The following PDZD7 variants were observed in gnomAD, a reference collection of about 807,000 sequenced individuals.
The protein encoded by PDZD7 is PDZ domain-containing protein 7.
A neutral mutation model predicts 84.7 loss-of-function variants in PDZD7; 72 were observed. The observed-to-expected ratio is 0.85, with a 90% confidence interval of 0.70 to 1.03. The LOEUF is 1.03. PDZD7 is among the 50% of genes least tolerant of loss of function. The pLI, the probability that PDZD7 is intolerant of heterozygous loss-of-function variation, is 0.00. For missense variants in PDZD7, 1,490 were observed against 1,412.9 expected (o/e 1.05, Z -0.87); for synonymous variants, 594 against 580.7 (o/e 1.02, Z -0.33).
Position 101,019,123 on chromosome 10 carries a change from G to T in PDZD7, c.1023C>A (p.Ser341=). The T allele has an allele frequency of 6.5e-7, 1 of 1,549,188 alleles. No individual in the cohort carries two copies. The highest frequency in any genetic ancestry group is 8.7e-7 in the Non-Finnish European group (1 of 1,153,798). Reference sequence around the variant, plus strand: ...AGATGTCCATGCGGTCCGACGGCAGGGAGCCCGAGCTGTAGGGGGCGCTGG... The same window carrying T: ...AGATGTCCATGCGGTCCGACGGCAGTGAGCCCGAGCTGTAGGGGGCGCTGG... ...CASSAPYSSG[S]LPSDRMDICL... The change falls in exon 8 of 17, where the codon TCC becomes TCA. Residue 341 remains serine (S), a synonymous_variant. Transcript: ENST00000619208.
chr10:101,018,226 C>T lies in PDZD7; in HGVS notation c.1395G>A (p.Lys465=). 6.2e-7 allele frequency: 1 copy of T among 1,614,216 alleles called. No homozygotes were observed. Among genetic ancestry groups the T allele is most frequent in the Middle Eastern group, 1.7e-4 (1 of 6,042 alleles). Residue 465 remains lysine, a synonymous_variant, in exon 9 of 17, where the codon AAG becomes AAA. Transcript: ENST00000619208. ...PGEKGALQRS[K]TLMNLFFKGG... is the part of the protein sequence containing the mutation. ...CCTTGAAGAAGAGGTTCATCAGCGT[C>T]TTGGAGCGCTGCAGGGCACCCTTCT...
intron 15 of PDZD7, among the ~76,000 whole-genome samples, chr10:101,009,604 T>TTC (rs1363005533): frequency 7.4e-6 from 1 of 135,096 alleles, no homozygotes; most frequent in Non-Finnish European, 1.6e-5. Flanking sequence ...AGAGTCTTTT[T>TTC]TTTTTTTTTT....
Position 101,008,369 on chromosome 10 carries a change from TG to T in PDZD7, c.*97del. On this transcript the variant is annotated 3_prime_UTR_variant, in exon 17 of 17. Transcript: ENST00000619208. The stretch of plus-strand genomic sequence containing the variant: ...AGTGTGGCACTGGGAGGAGGCAGGG[TG>T]GGCAGGAGCTGGAGAGTCCTGAAGA... 1 of 1,220,066 alleles carries T rather than the reference TG, an allele frequency of 8.2e-7. No individual in the cohort carries two copies. The highest frequency in any genetic ancestry group is 1.1e-6 in the Non-Finnish European group (1 of 900,586). The allele number at this position is 1,220,066 out of a possible 1,614,324, so 75.6% of individuals were successfully genotyped here. A position where few individuals can be genotyped will look rare whatever the true frequency, so the allele number is the denominator to read the frequency against.
intron 12 of PDZD7, 31 bp from the exon 13 acceptor site, chr10:101,012,047 G>C: frequency 6.5e-7 from 1 of 1,544,324 alleles, no homozygotes; most frequent in Non-Finnish European, 8.8e-7. Context: ...GCAGGGGTGG[G>C]AGGGGCAGGC....
At chr10:101,017,170 G>C (rs924339408) in intron 9 of PDZD7, among the ~76,000 whole-genome samples, 2 of 152,180 alleles carry the variant, frequency 1.3e-5, no homozygotes, top group Non-Finnish European at 2.9e-5. Flanking sequence ...GGGCCAGGGA[G>C]AGCCTACCCT....
intron 9 of PDZD7, chr10:101,017,597 C>A (rs1318903711): frequency 1.4e-6 from 1 of 701,298 alleles, no homozygotes; most frequent in East Asian, 2.7e-5. Flanking sequence ...GCCTGGGCAA[C>A]AGGGTGAAAC....
At chr10:101,028,503 G>C (rs982225053) in intron 2 of PDZD7, among the ~76,000 whole-genome samples, 1 of 152,068 alleles carries the variant, frequency 6.6e-6, no homozygotes, top group African/African-American at 2.4e-5. Flanking sequence ...GCTGAGGCTG[G>C]AGGATCACTT....
chr10:101,010,822 C>G lies in PDZD7; in HGVS notation c.2067G>C (p.Gly689=). The change falls in exon 15 of 17, where the codon GGG becomes GGC. Residue 689 remains glycine (G), a synonymous_variant. Transcript: ENST00000619208. ...GGGCCCCCAGCCGCTCCCTCAGCTC[C>G]CCATTATCTTCCTCTTCCGGGAAGC... ...VNGFPEEEDN[G]ELRERLGALK... 2.0e-6 allele frequency: 3 copies of G among 1,535,334 alleles called. No individual in the cohort carries two copies.
chr10:101,011,331 G>A (rs567174587), intron 14 of PDZD7: 7 of 429,790 alleles, frequency 1.6e-5, no homozygotes, highest in African/African-American at 1.2e-4. Flanking sequence ...GTGAGCCACC[G>A]CGCCCGGCCT....
rs371393755 is a variant in PDZD7, at chr10:101,022,214, C to T, written c.714G>A (p.Val238=). The T allele has an allele frequency of 5.6e-6, 9 of 1,614,104 alleles. No homozygotes were observed. The highest frequency in any genetic ancestry group is 1.3e-5 in the African/African-American group (1 of 74,938). Residue 238 remains valine, a synonymous_variant, in exon 5 of 17, where the codon GTG becomes GTA. Transcript: ENST00000619208. The stretch of plus-strand genomic sequence containing the variant: ...CTTCCTGCCTCAGCCCTCACTTGGA[C>T]ACATAGATGCCCAGGCCAAACTCCT... The part of the protein sequence containing the change: ...GGKEFGLGIY[V]SKVDHGGLAE...
At position 101,008,544 on chromosome 10, in the gene PDZD7, G is replaced by A. The variant is rs1444238541; in HGVS notation, c.3025C>T (p.Pro1009Ser). The change falls in exon 17 of 17, where the codon CCA becomes TCA. Residue 1009 changes from proline (P) to serine (S), a missense_variant. Pro to Ser is a moderately conservative substitution (Grantham distance 74). Transcript: ENST00000619208. Reference sequence around the variant, plus strand: ...GGGGAGGGGGCTGGGCTGGGAGTTGGCTGGAGGAGCCTGGCATCAGTGGGA... The same window carrying A: ...GGGGAGGGGGCTGGGCTGGGAGTTGACTGGAGGAGCCTGGCATCAGTGGGA... ...TPPTDARLLQ[P>S]TPSPAPSPAL... is the part of the protein sequence containing the mutation. 6.5e-7 allele frequency: 1 copy of A among 1,535,534 alleles called. No individual in the cohort carries two copies. The highest frequency in any genetic ancestry group is 2.4e-5 in the East Asian group (1 of 40,892).
chr10:101,017,375 G>A (rs778040651), intron 9 of PDZD7: 1 of 430,856 alleles, frequency 2.3e-6, no homozygotes, highest in Non-Finnish European at 4.1e-6. Context: ...GAGCCAAGAC[G>A]TGCTTTATTT....
Position 101,011,968 on chromosome 10 carries a change from C to T in PDZD7, c.1890G>A (p.Met630Ile), listed in dbSNP as rs2134004302. 1 of 1,550,484 alleles carries T rather than the reference C, an allele frequency of 6.4e-7. No individual in the cohort carries two copies. The highest frequency in any genetic ancestry group is 8.7e-7 in the Non-Finnish European group (1 of 1,146,986). Residue 630 changes from methionine to isoleucine, a missense_variant, in exon 13 of 17, where the codon ATG (methionine) becomes ATA (isoleucine). Met to Ile is a conservative substitution (Grantham distance 10). Transcript: ENST00000619208. ...TDLGRFDSMVMLVELEAFEAL... is the reference protein window; with the variant it reads ...TDLGRFDSMVILVELEAFEAL... The stretch of plus-strand genomic sequence containing the variant: ...CCTCAAAAGCCTCCAGCTCCACAAG[C>T]ATCACCATGCTGTCGAAGCGGCCCA...
intron 16 of PDZD7, 107 bp from the exon 17 acceptor site, chr10:101,008,957 C>T: frequency 7.4e-7 from 1 of 1,345,838 alleles, no homozygotes; most frequent in Non-Finnish European, 9.8e-7. Context: ...GACACTCCTC[C>T]CCCATCTGGG....
In PDZD7 at chr10:101,010,737, G is replaced by A. The variant is rs1287699378; in HGVS notation, c.2152C>T (p.Gln718Ter). 3 of 1,273,478 alleles carry A rather than the reference G, an allele frequency of 2.4e-6. No individual in the cohort carries two copies. Among genetic ancestry groups the A allele is most frequent in the Non-Finnish European group, 3.1e-6 (3 of 963,858 alleles). The allele number at this position is 1,273,478 out of a possible 1,614,324, so 78.9% of individuals were successfully genotyped here. Residue 718 changes from glutamine to a stop codon, truncating the protein, a stop_gained, in exon 15 of 17, where the codon CAA becomes TAA. Transcript: ENST00000619208. LOFTEE classifies it high-confidence loss of function. Reference protein sequence around the residue: ...RHPHKGIPPLQDVPVDAFTPL... With the variant: ...RHPHKGIPPL ...GTGAAGGCATCTACTGGCACGTCTTGTAGAGGGGGGATCCCTTTATGGGGG... is the reference window on the plus strand; with the variant it reads ...GTGAAGGCATCTACTGGCACGTCTTATAGAGGGGGGATCCCTTTATGGGGG...
Position 101,010,384 on chromosome 10 carries a change from G to A in PDZD7, c.2505C>T (p.Ala835=). 6.5e-7 allele frequency: 1 copy of A among 1,536,160 alleles called. No homozygotes were observed. The highest frequency in any genetic ancestry group is 2.0e-5 in the Admixed American group (1 of 50,992). The change falls in exon 15 of 17, where the codon GCC becomes GCT. Residue 835 remains alanine, a synonymous_variant. Coordinates refer to ENST00000619208, the MANE Select transcript of PDZD7 (RefSeq NM_001195263.2). ...TTCCACTCTCCGAGGGCCCTTGCTT[G>A]GCCCCCACCTTGGCTGCCTCCCCAT... ...PLDGEAAKVG[A]KQGPSESGTE... is the part of the protein sequence containing the mutation.
Position 101,022,401 on chromosome 10 carries a change from G to A in PDZD7, c.543-16C>T, listed in dbSNP as rs773511994. The A allele has an allele frequency of 1.2e-6, 2 of 1,613,566 alleles. No homozygotes were observed. The highest frequency in any genetic ancestry group is 2.2e-5 in the East Asian group (1 of 44,882). ...CACATCCACCCTGGACAACAGCAGGGGGCCCTCAGGTGGGGTCCTCCATCC... is the reference window on the plus strand; with the variant it reads ...CACATCCACCCTGGACAACAGCAGGAGGCCCTCAGGTGGGGTCCTCCATCC... On this transcript the variant is annotated splice_polypyrimidine_tract_variant and intron_variant, in intron 4 of 16. Coordinates refer to ENST00000619208, the MANE Select transcript of PDZD7 (RefSeq NM_001195263.2).
chr10:101,023,535 C>G lies in PDZD7; in HGVS notation c.443G>C (p.Ser148Thr), dbSNP rs760395331. The G allele has an allele frequency of 6.2e-7, 1 of 1,614,010 alleles. No homozygotes were observed. Among genetic ancestry groups the G allele is most frequent in the African/African-American group, 1.3e-5 (1 of 74,920 alleles). ...GCTGCTGGTCAGCACCTTTACGGCGCTACCCATGGTGGTGCTCTCCAGGCT... is the reference window on the plus strand; with the variant it reads ...GCTGCTGGTCAGCACCTTTACGGCGGTACCCATGGTGGTGCTCTCCAGGCT... ...GLSLESTTMG[S>T]AVKVLTSSSR... is the part of the protein sequence containing the mutation. Residue 148 changes from serine to threonine, a missense_variant, in exon 4 of 17, where the codon AGC (serine) becomes ACC (threonine). Physicochemically the swap from Ser to Thr is moderately conservative, Grantham distance 58. Transcript: ENST00000619208.
At chr10:101,017,838 G>GAAAGAAAGAAAAAGAAA (rs1852726470) in intron 9 of PDZD7, 2 of 169,366 alleles carry the variant, frequency 1.2e-5, no homozygotes, top group African/African-American at 1.2e-4. Flanking sequence ...AAGGAAGGAA[G>GAAAGAAAGAAAAAGAAA]GAAAGAAAGA....
Sources: allele counts gnomAD v4.1 joint callset (sites outside exome capture counted in the v4.1 genomes callset), GRCh38; gene constraint gnomAD v4.1.1; transcripts MANE v1.5; gene names NCBI Gene and HGNC (gene_info 2026-07-23, HGNC 2026-07-21).